The following ZNF808 variants were observed in gnomAD, a reference collection of about 807,000 sequenced individuals.
ZNF808 encodes zinc finger protein 808.
ZNF808 carries 5 observed loss-of-function variants against 8.7 expected under a neutral mutation model. That is an observed-to-expected ratio of 0.58 (90% CI 0.30 to 1.21). The LOEUF (loss-of-function observed/expected upper bound fraction) is 1.21, where lower values mean the gene tolerates loss of function less well. Ranked by LOEUF, ZNF808 falls within the 50% of genes most tolerant of loss-of-function variation. The pLI is 0.07. For missense variants in ZNF808, 1,103 were observed against 1,098.4 expected (o/e 1.00, Z -0.06); for synonymous variants, 380 against 366.0 (o/e 1.04, Z -0.44).
At position 52,563,046 on chromosome 19, in the gene ZNF808, T is replaced by G. The variant is rs180713602; in HGVS notation, c.*423-272T>G. Among the ~76,000 whole-genome samples the G allele has an allele frequency of 2.5e-3, 376 of 152,232 alleles. 1 individual carries two copies. The highest frequency in any genetic ancestry group is 5.5e-3 in the African/African-American group (229 of 41,538). ...TCCTCTGCCCCCCAAAGTGCTGGGA[T>G]TACAGGCCTGAACCACCGCATCCTG... On this transcript the variant is annotated intron_variant and NMD_transcript_variant, in intron 3 of 3. Transcript: ENST00000487863.
chr19:52,543,099 C>T (rs1156257907), intron 2 of ZNF808, among the ~76,000 whole-genome samples, 167 bp from the exon 3 acceptor site: 2 of 152,090 alleles, frequency 1.3e-5, no homozygotes, highest in Non-Finnish European at 2.9e-5. Context: ...GTCAAACATA[C>T]ACTTGTAGGT....
intron 3 of ZNF808, 65 bp from the exon 4 acceptor site, chr19:52,547,447 A>T: frequency 6.2e-7 from 1 of 1,605,822 alleles, no homozygotes; most frequent in African/African-American, 1.3e-5. Flanking sequence ...CCCTTTTCTC[A>T]TTTCCTGTGA....
In ZNF808 at chr19:52,553,137, T is replaced by A. The variant is rs550055718; in HGVS notation, c.221T>A (p.Val74Asp). 1 of 1,570,774 alleles carries A rather than the reference T, an allele frequency of 6.4e-7. No homozygotes were observed. Among genetic ancestry groups the A allele is most frequent in the African/African-American group, 1.4e-5 (1 of 72,878 alleles). Residue 74 changes from valine (V) to aspartate (D), a missense_variant, in exon 5 of 5, where the codon GTC becomes GAC. Coordinates refer to ENST00000359798, the MANE Select transcript of ZNF808 (RefSeq NM_001039886.4). ...TCTTCCAAACACATGATGAAGGAGG[T>A]CTTGTCAACAGGGCAAGGCAATAGA... is the stretch of plus-strand genomic sequence containing the variant. Reference protein sequence around the residue: ...DISSKHMMKEVLSTGQGNREV... With the variant: ...DISSKHMMKEDLSTGQGNREV...
chr19:52,545,065 G>C (rs1306836602), intron 3 of ZNF808, among the ~76,000 whole-genome samples: 5 of 152,214 alleles, frequency 3.3e-5, no homozygotes, highest in Non-Finnish European at 7.3e-5. Context: ...TTACAGGCCT[G>C]AGCCACTGCA....
chr19:52,535,342 A>G (rs1182732568), intron 2 of ZNF808, among the ~76,000 whole-genome samples: 5 of 151,228 alleles, frequency 3.3e-5, no homozygotes, highest in Non-Finnish European at 7.4e-5. Context: ...AAAAAAAAAA[A>G]AAAAAAAAAA....
chr19:52,563,226 C>G (rs556169258), intron 3 of ZNF808: 41 of 152,212 alleles, frequency 2.7e-4, no homozygotes, highest in African/African-American at 8.7e-4. Flanking sequence ...GTTTAGAGGT[C>G]TGCTGGCTGT....
Position 52,555,589 on chromosome 19 carries a change from T to C in ZNF808, c.2673T>C (p.Ile891=), listed in dbSNP as rs373245278. The C allele has an allele frequency of 1.9e-6, 3 of 1,610,780 alleles. No homozygotes were observed. In the African/African-American group the frequency reaches 4.0e-5, roughly 21 times the overall value. ...CCTTTAGTGACCGGTCAACACTTAT[T>C]CACCATCAGGCAATTCATGGTATAG... ...GKAFSDRSTL[I]HHQAIHGIGK... The change falls in exon 5 of 5, where the codon ATT becomes ATC. Residue 891 remains isoleucine, a synonymous_variant. Coordinates refer to ENST00000359798, the MANE Select transcript of ZNF808 (RefSeq NM_001039886.4).
chr19:52,564,262 A>T (rs1215500845), exon 4 of ZNF808: 1 of 834,002 alleles, frequency 1.2e-6, no homozygotes, highest in Non-Finnish European at 2.0e-6. Flanking sequence ...ACACATATTT[A>T]TGCTGTGTGA....
intron 2 of ZNF808, among the ~76,000 whole-genome samples, chr19:52,535,823 A>C (rs774118097): frequency 6.6e-6 from 1 of 151,690 alleles, no homozygotes; most frequent in African/African-American, 2.4e-5. Context: ...ACCTCCAAAC[A>C]CCGAAAAAAA....
intron 4 of ZNF808, among the ~76,000 whole-genome samples, chr19:52,551,931 A>T (rs1336296709): frequency 6.6e-6 from 1 of 152,156 alleles, no homozygotes; most frequent in African/African-American, 2.4e-5. Flanking sequence ...TCAACCCAGC[A>T]GGCAGAGGTT....
At chr19:52,536,668 G>A (rs1379169916) in intron 2 of ZNF808, among the ~76,000 whole-genome samples, 6 of 152,068 alleles carry the variant, frequency 3.9e-5, no homozygotes, top group Admixed American at 2.0e-4. Flanking sequence ...CCGCGATGCG[G>A]GTGTCTTACC....
chr19:52,544,576 ATC>A (rs2059703312), intron 3 of ZNF808, among the ~76,000 whole-genome samples: 1 of 152,078 alleles, frequency 6.6e-6, no homozygotes, highest in African/African-American at 2.4e-5. Flanking sequence ...TGATCTGCCT[ATC>A]TCGGACTCCC....
rs1258985658 is a variant in ZNF808, at chr19:52,555,346, T to C, written c.2430T>C (p.Ile810=). The change falls in exon 5 of 5, where the codon ATT becomes ATC. Residue 810 remains isoleucine, a synonymous_variant. Transcript: ENST00000359798. ...GTAATTCATACCTGGCAAGACATAT[T>C]AGAATTCACACTGCAGAGAAACCTT... is the stretch of plus-strand genomic sequence containing the variant. ...FVRNSYLARH[I]RIHTAEKPYK... The C allele has an allele frequency of 6.2e-7, 1 of 1,614,148 alleles. No homozygotes were observed. The highest frequency in any genetic ancestry group is 1.3e-5 in the African/African-American group (1 of 75,056).
At chr19:52,535,328 C>T (rs12981006) in intron 2 of ZNF808, among the ~76,000 whole-genome samples, 15,110 of 89,842 alleles carry the variant, frequency 0.17, 901 homozygotes, top group Middle Eastern at 0.33. Flanking sequence ...GAGACTCCGT[C>T]TCAAAAAAAA....
chr19:52,547,603 T>A lies in ZNF808; in HGVS notation c.155T>A (p.Val52Glu). The part of the protein sequence containing the change: ...NPAQRALYRE[V>E]MLENYRNLEA... ...GCACAGAGGGCTTTGTACAGGGAAG[T>A]GATGTTGGAGAACTACAGGAACCTG... is the stretch of plus-strand genomic sequence containing the variant. The change falls in exon 4 of 5, where the codon GTG becomes GAG. Residue 52 changes from valine (V) to glutamate (E), a missense_variant. By Grantham distance (121) the Val-to-Glu change is moderately radical. Coordinates refer to ENST00000359798, the MANE Select transcript of ZNF808 (RefSeq NM_001039886.4). 6.2e-7 allele frequency: 1 copy of A among 1,613,924 alleles called. No homozygotes were observed. The highest frequency in any genetic ancestry group is 1.6e-4 in the Middle Eastern group (1 of 6,062).
intron 2 of ZNF808, among the ~76,000 whole-genome samples, chr19:52,537,414 C>T (rs1017591281): frequency 1.3e-5 from 2 of 152,032 alleles, no homozygotes; most frequent in Admixed American, 1.3e-4. Context: ...GGGCCAGGTG[C>T]AGTGGCTCAT....
intron 2 of ZNF808, among the ~76,000 whole-genome samples, chr19:52,535,652 G>A (rs1397390546): frequency 6.6e-6 from 1 of 152,242 alleles, no homozygotes; most frequent in Non-Finnish European, 1.5e-5. Flanking sequence ...AATGAATGGA[G>A]AATAGAAAGG....
Position 52,555,643 on chromosome 19 carries a change from C to CA in ZNF808, c.*18dup. The stretch of plus-strand genomic sequence containing the variant: ...AATTTGATTAATATAATGATTGTCA[C>CA]AAAGTCTTCAGTAACACTACAACAA... On this transcript the variant is annotated 3_prime_UTR_variant, in exon 5 of 5. Transcript: ENST00000359798. 1 of 1,585,648 alleles carries CA rather than the reference C, an allele frequency of 6.3e-7. No individual in the cohort carries two copies.
downstream of ZNF808, among the ~76,000 whole-genome samples, chr19:52,558,118 C>T (rs1423910018): frequency 7.2e-6 from 1 of 138,358 alleles, no homozygotes; most frequent in Non-Finnish European, 1.5e-5. Flanking sequence ...CAGAGTCTCG[C>T]TCTGTTGCCC....
Sources: gnomAD v4.1 joint callset for allele counts (sites outside exome capture counted in the v4.1 genomes callset) on GRCh38, gnomAD v4.1.1 for gene constraint, MANE v1.5 for transcripts, NCBI Gene and HGNC (gene_info 2026-07-23, HGNC 2026-07-21) for gene names.